ZNF804A: variants seen among roughly 807,000 people sequenced by gnomAD.
ZNF804A encodes zinc finger protein 804A.
Under a neutral mutation model 16.5 loss-of-function variants are expected in ZNF804A, and 2 were observed. That is an observed-to-expected ratio of 0.12 (90% CI 0.05 to 0.38). The LOEUF (loss-of-function observed/expected upper bound fraction) is 0.38. Ranked by LOEUF, ZNF804A falls within the 10% of genes least tolerant of loss-of-function variation. The pLI, the probability that ZNF804A is intolerant of heterozygous loss-of-function variation, is 0.99. For missense variants in ZNF804A, 1,473 were observed against 1,390.7 expected, an observed-to-expected ratio of 1.06 and a Z score of -0.94; for synonymous variants, 534 against 489.6, an observed-to-expected ratio of 1.09 and a Z score of -1.20.
chr2:184,889,825 C>A (rs1684953454), intron 2 of ZNF804A, among the ~76,000 whole-genome samples: 1 of 152,040 alleles, frequency 6.6e-6, no homozygotes. Context: ...ATTCAAAAAT[C>A]TATTGAAACA....
chr2:184,726,351 G>A (rs1382865652), intron 1 of ZNF804A, among the ~76,000 whole-genome samples: 1 of 151,434 alleles, frequency 6.6e-6, no homozygotes, highest in Non-Finnish European at 1.5e-5. Context: ...GTGGTCTTAA[G>A]ATACTCATAT....
Position 184,836,492 on chromosome 2 carries a change from T to C in ZNF804A, c.112-29877T>C, listed in dbSNP as rs543240985. On this transcript the variant is annotated intron_variant, in intron 1 of 3. Transcript: ENST00000302277. ...ACAGTGTGATTACAACTGATAAATATAACAGTAATTCTACAGAACTTTTCA... is the reference window on the plus strand; with the variant it reads ...ACAGTGTGATTACAACTGATAAATACAACAGTAATTCTACAGAACTTTTCA... 1.3e-4 allele frequency among the ~76,000 whole-genome samples: 20 copies of C among 152,180 alleles called. No homozygotes were observed. In the South Asian group the frequency reaches 2.7e-3, roughly 21 times the overall value.
At chr2:184,652,713 C>G (rs147390432) in intron 1 of ZNF804A, among the ~76,000 whole-genome samples, 243 of 152,122 alleles carry the variant, frequency 1.6e-3, no homozygotes, top group African/African-American at 5.7e-3. Flanking sequence ...CTATATGGTT[C>G]GGCTGTGTCC....
chr2:184,686,503 CAT>C (rs1447494666), intron 1 of ZNF804A, among the ~76,000 whole-genome samples: 1 of 152,218 alleles, frequency 6.6e-6, no homozygotes, highest in African/African-American at 2.4e-5. Flanking sequence ...CAACAGTGAA[CAT>C]ATGAGTTCAT....
intron 2 of ZNF804A, among the ~76,000 whole-genome samples, chr2:184,911,611 AT>A (rs1035487188): frequency 1.6e-4 from 24 of 151,178 alleles, no homozygotes; most frequent in African/African-American, 5.3e-4. Flanking sequence ...TGAGCATGGA[AT>A]TTTTTTTTAT....
At chr2:184,645,180 T>C (rs1036486640) in intron 1 of ZNF804A, among the ~76,000 whole-genome samples, 3 of 152,148 alleles carry the variant, frequency 2.0e-5, no homozygotes, top group African/African-American at 4.8e-5. Flanking sequence ...CAATTATTTC[T>C]ATAGTTTCAT....
chr2:184,828,097 A>G (rs1186816516), intron 1 of ZNF804A, among the ~76,000 whole-genome samples: 7 of 151,832 alleles, frequency 4.6e-5, no homozygotes, highest in Non-Finnish European at 7.4e-5. Context: ...ATAATAAATA[A>G]TTTTATGGAA....
At chr2:184,865,028 T>A (rs1384523995) in intron 1 of ZNF804A, among the ~76,000 whole-genome samples, 1 of 151,818 alleles carries the variant, frequency 6.6e-6, no homozygotes, top group East Asian at 1.9e-4. Flanking sequence ...TACAGGTGCC[T>A]GCCACCATGC....
intron 1 of ZNF804A, among the ~76,000 whole-genome samples, chr2:184,624,460 A>G (rs1454382394): frequency 6.6e-6 from 1 of 152,172 alleles, no homozygotes; most frequent in Non-Finnish European, 1.5e-5. Context: ...CATGTGAGGG[A>G]TGTGGTAAGT....
intron 3 of ZNF804A, 80 bp downstream of exon 3, chr2:184,933,813 C>A: frequency 7.1e-7 from 1 of 1,399,242 alleles, no homozygotes; most frequent in Non-Finnish European, 9.7e-7. Context: ...ATAAAGGGCA[C>A]AAATCTATTT....
At chr2:184,934,536 G>T (rs951728929) in intron 3 of ZNF804A, among the ~76,000 whole-genome samples, 22 of 152,132 alleles carry the variant, frequency 1.4e-4, no homozygotes, top group Non-Finnish European at 2.9e-4. Context: ...TATGTATTTG[G>T]AATCCTACAT....
intron 2 of ZNF804A, among the ~76,000 whole-genome samples, chr2:184,892,483 CT>C (rs869292193): frequency 0.024 from 2,545 of 105,624 alleles, 19 homozygotes; most frequent in Middle Eastern, 0.074. Flanking sequence ...TTGTTGTGTT[CT>C]TTTTTTTTTT....
At chr2:184,819,543 A>G (rs910169486) in intron 1 of ZNF804A, among the ~76,000 whole-genome samples, 5 of 152,044 alleles carry the variant, frequency 3.3e-5, no homozygotes, top group African/African-American at 4.8e-5. Flanking sequence ...CCCAAAATCT[A>G]GCAGAAGACA....
Position 184,938,298 on chromosome 2 carries a change from T to C in ZNF804A, c.2902T>C (p.Ser968Pro). Residue 968 changes from serine (S) to proline (P), a missense_variant, in exon 4 of 4, where the codon TCC becomes CCC. Coordinates refer to ENST00000302277, the MANE Select transcript of ZNF804A (RefSeq NM_194250.2). ...ERNFRQSQPK[S>P]YLCHYELAEA... is the part of the protein sequence containing the mutation. Reference sequence around the variant, plus strand: ...GAACTTTAGACAGTCACAGCCTAAATCCTATCTTTGCCATTATGAACTGGC... The same window carrying C: ...GAACTTTAGACAGTCACAGCCTAAACCCTATCTTTGCCATTATGAACTGGC... The C allele has an allele frequency of 6.2e-7, 1 of 1,614,112 alleles. No homozygotes were observed. Among genetic ancestry groups the C allele is most frequent in the African/African-American group, 1.3e-5 (1 of 75,052 alleles).
chr2:184,880,946 G>T (rs1481037000), intron 2 of ZNF804A, among the ~76,000 whole-genome samples: 1 of 151,996 alleles, frequency 6.6e-6, no homozygotes, highest in Non-Finnish European at 1.5e-5. Context: ...GATGAATTCA[G>T]AATATGGAAA....
intron 1 of ZNF804A, among the ~76,000 whole-genome samples, chr2:184,687,509 G>C (rs755676176): frequency 1.1e-4 from 16 of 152,128 alleles, no homozygotes; most frequent in Non-Finnish European, 1.5e-4. Context: ...TGTAAACTGT[G>C]ATTTATACTT....
intron 1 of ZNF804A, among the ~76,000 whole-genome samples, chr2:184,648,901 C>T (rs1021137546): frequency 1.5e-4 from 23 of 152,046 alleles, no homozygotes; most frequent in African/African-American, 3.4e-4. Flanking sequence ...TAACAAATTC[C>T]GGACTTAAAC....
intron 1 of ZNF804A, among the ~76,000 whole-genome samples, chr2:184,806,786 A>T (rs185936321): frequency 6.6e-6 from 1 of 151,850 alleles, no homozygotes; most frequent in Non-Finnish European, 1.5e-5. Context: ...CTAACATTTC[A>T]CTGAAACTGA....
intron 1 of ZNF804A, among the ~76,000 whole-genome samples, chr2:184,721,989 G>T (rs1251416612): frequency 6.6e-6 from 1 of 151,940 alleles, no homozygotes; most frequent in Non-Finnish European, 1.5e-5. Context: ...GGCATAGAAA[G>T]ACAAAGTTTA....
Sources: allele counts gnomAD v4.1 joint callset (sites outside exome capture counted in the v4.1 genomes callset), GRCh38; gene constraint gnomAD v4.1.1; transcripts MANE v1.5; gene names NCBI Gene and HGNC (gene_info 2026-07-23, HGNC 2026-07-21).